Variants in SETD1B observed in about 807,000 individuals in gnomAD.
The protein encoded by SETD1B is histone-lysine N-methyltransferase SETD1B.
In SETD1B, 7 loss-of-function variants were observed where a neutral mutation model predicts 148.0. The observed-to-expected ratio is 0.05, with a 90% confidence interval of 0.03 to 0.09. The LOEUF is 0.09. SETD1B is among the 10% of genes least tolerant of loss of function. The pLI, the probability that SETD1B is intolerant of heterozygous loss-of-function variation, is 1.00. For missense variants in SETD1B, 2,155 were observed against 2,729.9 expected, an observed-to-expected ratio of 0.79 and a Z score of 4.69; for synonymous variants, 1,361 against 1,186.5, an observed-to-expected ratio of 1.15 and a Z score of -3.02.
At chr12:121,820,754 C>A (rs573266255) in intron 11 of SETD1B, among the ~76,000 whole-genome samples, 1 of 152,158 alleles carries the variant, frequency 6.6e-6, no homozygotes, top group Admixed American at 6.5e-5. Context: ...AGGATGGTCT[C>A]GATCTCCTGA....
rs1246734112 is a variant in SETD1B, at chr12:121,822,518, C to T, written c.3939C>T (p.Pro1313=). ...PEHDLEVEPE[P]PMMLPLPLQP... ...ATGACCTGGAAGTGGAGCCGGAGCC[C>T]CCTATGATGCTCCCCTTGCCGCTGC... The change falls in exon 12 of 17, where the codon CCC becomes CCT. Residue 1313 remains proline, a synonymous_variant. Transcript: ENST00000604567. 2 of 1,549,280 alleles carry T rather than the reference C, an allele frequency of 1.3e-6. No homozygotes were observed. The highest frequency in any genetic ancestry group is 2.7e-5 in the African/African-American group (2 of 72,934).
rs777897430 is a variant in SETD1B at position 121,828,094 on chromosome 12, CCCTGCCCCTGCT to C, written c.5727+35_5727+46del. On this transcript the variant is annotated intron_variant, in intron 16 of 16. Coordinates refer to ENST00000604567, the MANE Select transcript of SETD1B (RefSeq NM_001353345.2). ...ACGTGAGTGCCCAGCGGGGGGTGGCCCCTGCCCCTGCTCCTGCCCCTGGCCCTGCTTCTGTGC... is the reference window on the plus strand; with the variant it reads ...ACGTGAGTGCCCAGCGGGGGGTGGCCCCTGCCCCTGGCCCTGCTTCTGTGC... 49 of 1,550,118 alleles carry C rather than the reference CCCTGCCCCTGCT, an allele frequency of 3.2e-5. 1 individual carries two copies. Among genetic ancestry groups the C allele is most frequent in the South Asian group, 2.9e-4 (24 of 83,926 alleles).
At chr12:121,794,224 T>A in the SETD1B span, 1 of 152,580 alleles carries the variant, frequency 6.6e-6, no homozygotes, top group Non-Finnish European at 1.5e-5. Context: ...GAGAGTCATG[T>A]CTGCCCACCT....
intron 6 of SETD1B, among the ~76,000 whole-genome samples, chr12:121,812,581 C>T (rs1876089625): frequency 6.6e-6 from 1 of 152,026 alleles, no homozygotes; most frequent in Non-Finnish European, 1.5e-5. Flanking sequence ...GGCTGGAGCG[C>T]AGGATCTGCC....
At position 121,819,775 on chromosome 12, in the gene SETD1B, G is replaced by T; in HGVS notation, c.3790G>T (p.Asp1264Tyr). 1 of 1,551,616 alleles carries T rather than the reference G, an allele frequency of 6.4e-7. No homozygotes were observed. The highest frequency in any genetic ancestry group is 8.7e-7 in the Non-Finnish European group (1 of 1,146,974). ...GCCTGTGGGTGTTGAAGAGCCAGCG[G>T]ACTCCAGGGAGCCGCCTGAGGAACC... is the stretch of plus-strand genomic sequence containing the variant. ...PLPVGVEEPA[D>Y]SREPPEEPGL... The change falls in exon 11 of 17, where the codon GAC becomes TAC. Residue 1264 changes from aspartate to tyrosine, a missense_variant. Asp to Tyr is a radical substitution (Grantham distance 160, BLOSUM62 -3). Transcript: ENST00000604567.
Position 121,810,337 on chromosome 12 carries a change from G to C in SETD1B, c.1392G>C (p.Leu464=), listed in dbSNP as rs1174979561. The change falls in exon 6 of 17, where the codon CTG becomes CTC. Residue 464 remains leucine (L), a synonymous_variant. Transcript: ENST00000604567. The surrounding 1 kb of genome is among the most constrained non-coding windows in gnomAD (Gnocchi z 7.6). ...PPPPDTNSME[L]GGRPTFGWSP... ...CCCCCGACACCAACAGCATGGAGCT[G>C]GGCGGCCGGCCCACCTTCGGCTGGA... The C allele has an allele frequency of 1.4e-5, 22 of 1,545,658 alleles. No individual in the cohort carries two copies. Among genetic ancestry groups the C allele is most frequent in the Non-Finnish European group, 1.7e-5 (20 of 1,146,690 alleles).
chr12:121,790,624 G>A, the SETD1B span, among the ~76,000 whole-genome samples: 1 of 152,212 alleles, frequency 6.6e-6, no homozygotes, highest in African/African-American at 2.4e-5. Flanking sequence ...CTGGTCACGG[G>A]GGGATACCCT....
At chr12:121,825,884 A>G (rs1876817320) in intron 13 of SETD1B, among the ~76,000 whole-genome samples, 1 of 151,958 alleles carries the variant, frequency 6.6e-6, no homozygotes, top group East Asian at 1.9e-4. Context: ...GACCTCAAGT[A>G]ATTCGCCTGC....
intron 16 of SETD1B, among the ~76,000 whole-genome samples, chr12:121,829,394 C>T (rs933713488): frequency 1.3e-5 from 2 of 152,088 alleles, no homozygotes; most frequent in African/African-American, 4.8e-5. Flanking sequence ...CTGGTTGGGG[C>T]CAGATCTGGA....
Position 121,808,135 on chromosome 12 carries a change from C to A in SETD1B, c.545-73C>A. 8.2e-7 allele frequency: 1 copy of A among 1,224,198 alleles called. No homozygotes were observed. Among genetic ancestry groups the A allele is most frequent in the Non-Finnish European group, 1.2e-6 (1 of 862,744 alleles). The allele number at this position is 1,224,198 out of a possible 1,614,324, so 75.8% of individuals were successfully genotyped here. On this transcript the variant is annotated intron_variant, in intron 4 of 16. Transcript: ENST00000604567. This position sits in a 1 kb window ranked among gnomAD's most constrained non-coding sequence, Gnocchi z 5.3. ...ACAAGGGACCCACCAGGGTGCCACA[C>A]AGGTTGGAATCCTTGTGGGGGCTGC...
At position 121,823,553 on chromosome 12, in the gene SETD1B, C is replaced by T. The variant is rs1016155458; in HGVS notation, c.4974C>T (p.Gly1658=). ...KRHEDLVPPA[G]SPELSPPQPL... ...ATGAGGACCTGGTGCCACCTGCGGG[C>T]TCGCCCGAACTCTCGCCACCCCAGC... The change falls in exon 12 of 17, where the codon GGC becomes GGT. Residue 1658 remains glycine, a synonymous_variant. Transcript: ENST00000604567. 2.6e-6 allele frequency: 4 copies of T among 1,551,014 alleles called. No individual in the cohort carries two copies. The Admixed American group carries it at 5.9e-5, about 23-fold the overall frequency.
At position 121,812,759 on chromosome 12, in the gene SETD1B, C is replaced by T. The variant is rs182177149; in HGVS notation, c.1891-1347C>T. ...GGGATCCTGAGAAGGAGAGTGTGTGCGTGCGTGCGTGTGTGTGTGTGTATG... is the reference window on the plus strand; with the variant it reads ...GGGATCCTGAGAAGGAGAGTGTGTGTGTGCGTGCGTGTGTGTGTGTGTATG... On this transcript the variant is annotated intron_variant, in intron 6 of 16. Coordinates refer to ENST00000604567, the MANE Select transcript of SETD1B (RefSeq NM_001353345.2). 4.9e-4 allele frequency among the ~76,000 whole-genome samples: 75 copies of T among 152,122 alleles called. 1 individual carries two copies. The East Asian group carries it at 0.011, about 23-fold the overall frequency.
At chr12:121,807,750 G>A (rs1378691321) in intron 4 of SETD1B, among the ~76,000 whole-genome samples, 1 of 152,180 alleles carries the variant, frequency 6.6e-6, no homozygotes. Context: ...CTACTAGAGC[G>A]TGTTGCAAAC....
Position 121,830,569 on chromosome 12 carries a change from A to C in SETD1B, c.*330A>C. 4.3e-5 allele frequency: 10 copies of C among 234,430 alleles called. No individual in the cohort carries two copies. Among genetic ancestry groups the C allele is most frequent in the East Asian group, 8.7e-5 (1 of 11,470 alleles). 14.5% of individuals were successfully genotyped at this position (234,430 alleles called of 1,614,324 possible). On this transcript the variant is annotated 3_prime_UTR_variant, in exon 17 of 17. Transcript: ENST00000604567. The surrounding 1 kb of genome is among the most constrained non-coding windows in gnomAD (Gnocchi z 5.7). ...TTCTCTGTCTCTTCTCTCTCCCACC[A>C]TCACCCTCGGCCTCTTCCTGTGAAT...
At position 121,804,975 on chromosome 12, in the gene SETD1B, G is replaced by T. The variant is rs1566545517; in HGVS notation, c.174+64G>T. 5 of 1,469,062 alleles carry T rather than the reference G, an allele frequency of 3.4e-6. No individual in the cohort carries two copies. Among genetic ancestry groups the T allele is most frequent in the Non-Finnish European group, 4.5e-6 (5 of 1,100,726 alleles). The allele number at this position is 1,469,062 out of a possible 1,614,324, so 91.0% of individuals were successfully genotyped here. Reference sequence around the variant, plus strand: ...CGTGTCCGGGGAGACGCGCCTAGCGGCCAGGGACCCCCCGCCCGATCCCCC... The same window carrying T: ...CGTGTCCGGGGAGACGCGCCTAGCGTCCAGGGACCCCCCGCCCGATCCCCC... On this transcript the variant is annotated intron_variant, in intron 2 of 16. Coordinates refer to ENST00000604567, the MANE Select transcript of SETD1B (RefSeq NM_001353345.2). This position sits in a 1 kb window ranked among gnomAD's most constrained non-coding sequence, Gnocchi z 4.6.
chr12:121,824,834 A>C (rs1876761353), intron 12 of SETD1B, among the ~76,000 whole-genome samples: 1 of 152,036 alleles, frequency 6.6e-6, no homozygotes, highest in Non-Finnish European at 1.5e-5. Flanking sequence ...GAAACATAGC[A>C]AAACCCCATC....
Position 121,804,074 on chromosome 12 carries a change from A to AGCAGCAGCGGCGGCGGCAGCG in SETD1B, c.-165_-145dup, listed in dbSNP as rs1458012028. On this transcript the variant is annotated 5_prime_UTR_variant, in exon 1 of 17. Transcript: ENST00000604567. The surrounding 1 kb of genome is among the most constrained non-coding windows in gnomAD (Gnocchi z 4.6). ...CGCCAGCCGCCTCCCGGGCAGCAGC[A>AGCAGCAGCGGCGGCGGCAGCG]GCAGCAGCGGCGGCGGCAGCGGCAG... 1 of 153,140 alleles carries AGCAGCAGCGGCGGCGGCAGCG rather than the reference A, an allele frequency of 6.5e-6. No individual in the cohort carries two copies. Among genetic ancestry groups the AGCAGCAGCGGCGGCGGCAGCG allele is most frequent in the African/African-American group, 2.4e-5 (1 of 41,152 alleles). 9.5% of individuals were successfully genotyped at this position (153,140 alleles called of 1,614,324 possible). A position where few individuals can be genotyped will look rare whatever the true frequency, so the allele number is the denominator to read the frequency against.
At chr12:121,795,080 G>T in the SETD1B span, among the ~76,000 whole-genome samples, 1 of 152,164 alleles carries the variant, frequency 6.6e-6, no homozygotes, top group Non-Finnish European at 1.5e-5. Context: ...CACAGTGCAA[G>T]CAAGGCACGG....
the SETD1B span, among the ~76,000 whole-genome samples, chr12:121,792,694 C>A: frequency 6.6e-6 from 1 of 152,238 alleles, no homozygotes; most frequent in Non-Finnish European, 1.5e-5. Context: ...GGCCACAGAG[C>A]CCTGGAGCCA....
Sources: gnomAD v4.1 joint callset for allele counts (sites outside exome capture counted in the v4.1 genomes callset) on GRCh38, gnomAD v4.1.1 for gene constraint, Gnocchi (gnomAD v3.1) non-coding constraint, MANE v1.5 for transcripts, NCBI Gene and HGNC (gene_info 2026-07-23, HGNC 2026-07-21) for gene names.